The following NUP58 variants were observed in gnomAD, a reference collection of about 807,000 sequenced individuals.
NUP58 encodes the protein nucleoporin 58.
In NUP58, 17 loss-of-function variants were observed where a neutral mutation model predicts 70.1. That is an observed-to-expected ratio of 0.24 (90% CI 0.17 to 0.36). The LOEUF is 0.36. Among genes scored for constraint, NUP58 ranks in the 10% least tolerant of loss-of-function variants. NUP58 has a pLI of 1.00. For synonymous variants in NUP58, 275 were observed against 257.6 expected (o/e 1.07, Z -0.65); for missense variants, 644 against 701.5 (o/e 0.92, Z 0.93).
intron 14 of NUP58, among the ~76,000 whole-genome samples, chr13:25,337,398 T>C (rs906563219): frequency 3.3e-5 from 5 of 152,162 alleles, no homozygotes; most frequent in African/African-American, 1.2e-4. Context: ...CTGGATGATA[T>C]ACATTCTCCT....
chr13:25,306,298 C>T (rs186579573), intron 1 of NUP58, among the ~76,000 whole-genome samples: 118 of 149,344 alleles, frequency 7.9e-4, no homozygotes, highest in Middle Eastern at 3.6e-3. Flanking sequence ...TGAGCTACTC[C>T]GGAGGCTGAG....
chr13:25,331,373 A>T lies in NUP58; in HGVS notation c.1250A>T (p.Tyr417Phe). The T allele has an allele frequency of 1.9e-6, 3 of 1,614,090 alleles. No individual in the cohort carries two copies. The highest frequency in any genetic ancestry group is 2.5e-6 in the Non-Finnish European group (3 of 1,179,972). ...HENVKVLKEQ[Y>F]LGYRKMFLGD... ...TTCTTTTAGGTTCTGAAAGAACAGT[A>T]CCTTGGCTACAGGAAAATGTTCTTG... Residue 417 changes from tyrosine (Y) to phenylalanine (F), a missense_variant, in exon 13 of 16, where the codon TAC (tyrosine) becomes TTC (phenylalanine). Around this residue, in one of 4 missense-constraint regions of NUP58, gnomAD observed 78 missense variants for 71.3 expected, o/e 1.09. Coordinates refer to ENST00000381736, the MANE Select transcript of NUP58 (RefSeq NM_014089.4).
intron 13 of NUP58, 115 bp downstream of exon 13, chr13:25,331,673 C>T: frequency 6.8e-7 from 1 of 1,480,930 alleles, no homozygotes; most frequent in Non-Finnish European, 9.0e-7. Flanking sequence ...AGTAGCTGTT[C>T]CAATACAATC....
chr13:25,337,440 A>G (rs1396826144), intron 14 of NUP58, among the ~76,000 whole-genome samples: 1 of 152,144 alleles, frequency 6.6e-6, no homozygotes, highest in Non-Finnish European at 1.5e-5. Flanking sequence ...GAAAATGAGT[A>G]CTTAGGGAAA....
At chr13:25,345,826 TAGG>T (rs1450206523), downstream of NUP58, among the ~76,000 whole-genome samples, 1 of 152,118 alleles carries the variant, frequency 6.6e-6, no homozygotes, top group East Asian at 1.9e-4. Flanking sequence ...GCAACATACA[TAGG>T]AGAGAGTAGG....
downstream of NUP58, among the ~76,000 whole-genome samples, chr13:25,342,582 T>C (rs1052490189): frequency 2.0e-5 from 3 of 152,164 alleles, no homozygotes; most frequent in Non-Finnish European, 4.4e-5. Flanking sequence ...TGCTTTTGTC[T>C]TCTCAAAATG....
At chr13:25,310,483 G>A (rs923615094) in intron 3 of NUP58, among the ~76,000 whole-genome samples, 1 of 147,050 alleles carries the variant, frequency 6.8e-6, no homozygotes, top group Non-Finnish European at 1.5e-5. Context: ...GCCTTCCGAA[G>A]TGCTGGGATT....
At chr13:25,331,752 T>C in intron 13 of NUP58, 194 bp downstream of exon 13, 2 of 1,412,366 alleles carry the variant, frequency 1.4e-6, no homozygotes, top group East Asian at 5.2e-5. Context: ...GCAATAATTA[T>C]ACATCAATTA....
rs2031934785 is a variant in NUP58, at chr13:25,340,899, CAA to C, written c.*766_*767del. On this transcript the variant is annotated 3_prime_UTR_variant, in exon 16 of 16. Transcript: ENST00000381736. Reference sequence around the variant, plus strand: ...CACCACTGCACTCCAGCCTGGGCAACAAGAGCAAAACTCCGTCTCAAAAAAGA... The same window carrying C: ...CACCACTGCACTCCAGCCTGGGCAACGAGCAAAACTCCGTCTCAAAAAAGA... 1.3e-5 allele frequency: 2 copies of C among 152,108 alleles called. No homozygotes were observed. The highest frequency in any genetic ancestry group is 4.8e-5 in the African/African-American group (2 of 41,376). The allele number at this position is 152,108 out of a possible 1,614,324, so 9.4% of individuals were successfully genotyped here.
At chr13:25,334,685 T>G in intron 13 of NUP58, 2 of 979,452 alleles carry the variant, frequency 2.0e-6, no homozygotes, top group Non-Finnish European at 2.4e-6. Flanking sequence ...GGGGTGATCA[T>G]GGAAAATTAT....
intron 13 of NUP58, chr13:25,332,786 CATT>C: frequency 3.0e-6 from 3 of 985,274 alleles, no homozygotes; most frequent in South Asian, 4.7e-5. Flanking sequence ...TGTAGGATTG[CATT>C]GTTAAGTTAT....
At chr13:25,326,121 C>T (rs1025711120) in intron 10 of NUP58, among the ~76,000 whole-genome samples, 11 of 152,202 alleles carry the variant, frequency 7.2e-5, no homozygotes, top group Non-Finnish European at 1.2e-4. Context: ...TCATACTTAA[C>T]AGTTCTCAAA....
At chr13:25,321,375 A>T (rs2031177835) in intron 9 of NUP58, among the ~76,000 whole-genome samples, 1 of 152,192 alleles carries the variant, frequency 6.6e-6, no homozygotes, top group Non-Finnish European at 1.5e-5. Flanking sequence ...AATAAGAAAA[A>T]AAGCACAGAG....
chr13:25,326,174 T>C (rs74042922), intron 10 of NUP58, among the ~76,000 whole-genome samples: 3,214 of 152,312 alleles, frequency 0.021, 125 homozygotes, highest in African/African-American at 0.074. Flanking sequence ...CTTACTCAGG[T>C]TGGCATGAGA....
At chr13:25,336,036 C>A in intron 13 of NUP58, 2 of 1,163,370 alleles carry the variant, frequency 1.7e-6, no homozygotes, top group Non-Finnish European at 2.1e-6. Flanking sequence ...TCTTGCCAAA[C>A]AAACTCAGCC....
chr13:25,313,024 C>T lies in NUP58; in HGVS notation c.428C>T (p.Thr143Ile), dbSNP rs1180190951. Residue 143 changes from threonine to isoleucine, a missense_variant, in exon 4 of 16, where the codon ACT (threonine) becomes ATT (isoleucine). Physicochemically the swap from Thr to Ile is moderately conservative, Grantham distance 89 (BLOSUM62 -1). Coordinates refer to ENST00000381736, the MANE Select transcript of NUP58 (RefSeq NM_014089.4). ...GLTLSSALTS[T>I]PAASTGFTLN... ...ACTCTTTCGTCTGCTCTGACATCAA[C>T]TCCAGCAGGTGAGGCAGAATGAAAA... 3 of 1,612,404 alleles carry T rather than the reference C, an allele frequency of 1.9e-6. No homozygotes were observed. The highest frequency in any genetic ancestry group is 2.2e-5 in the East Asian group (1 of 44,872).
At chr13:25,337,126 C>T in intron 14 of NUP58, 92 bp downstream of exon 14, 1 of 719,130 alleles carries the variant, frequency 1.4e-6, no homozygotes, top group Middle Eastern at 2.7e-4. Context: ...GAATCTCCTG[C>T]TATTTTGGAA....
intron 13 of NUP58, chr13:25,333,842 G>A: frequency 2.0e-6 from 2 of 985,334 alleles, no homozygotes; most frequent in Middle Eastern, 5.2e-4. Context: ...CTTATGCATT[G>A]TTTTTATACA....
Position 25,320,409 on chromosome 13 carries a change from A to C in NUP58, c.711-121A>C, listed in dbSNP as rs78578663. 1.9e-3 allele frequency: 1,164 copies of C among 618,312 alleles called. 13 individuals carry two copies. The African/African-American group carries it at 0.021, about 11-fold the overall frequency. The allele number at this position is 618,312 out of a possible 1,614,324, so 38.3% of individuals were successfully genotyped here. Reference sequence around the variant, plus strand: ...AAAGAGCTTTGAAATCATCCAGAGAAGCCATACGTGCTTTTTTGCTATATT... The same window carrying C: ...AAAGAGCTTTGAAATCATCCAGAGACGCCATACGTGCTTTTTTGCTATATT... On this transcript the variant is annotated intron_variant, in intron 7 of 15. Transcript: ENST00000381736.
Sources: allele counts gnomAD v4.1 joint callset (sites outside exome capture counted in the v4.1 genomes callset), GRCh38; gene constraint gnomAD v4.1.1; regional missense constraint gnomAD v4.1.1; transcripts MANE v1.5; gene names NCBI Gene and HGNC (gene_info 2026-07-23, HGNC 2026-07-21).